The following MYCBP2 variants were observed in gnomAD, a reference collection of about 807,000 sequenced individuals.
MYCBP2 encodes E3 ubiquitin-protein ligase MYCBP2.
A neutral mutation model predicts 525.3 loss-of-function variants in MYCBP2; 120 were observed. The ratio of observed to expected loss-of-function variants is 0.23; its 90% confidence interval spans 0.20 to 0.27. The LOEUF is 0.27. Ranked by LOEUF, MYCBP2 falls within the 10% of genes least tolerant of loss-of-function variation. MYCBP2 has a pLI of 1.00. For missense variants in MYCBP2, 4,149 were observed against 5,657.1 expected (o/e 0.73, Z 8.55); for synonymous variants, 1,894 against 1,955.8 (o/e 0.97, Z 0.83).
In MYCBP2 at chr13:77,098,938, C is replaced by A. The variant is rs761092093; in HGVS notation, c.8216G>T (p.Ser2739Ile). 1.9e-6 allele frequency: 3 copies of A among 1,613,364 alleles called. No individual in the cohort carries two copies. Among genetic ancestry groups the A allele is most frequent in the Non-Finnish European group, 2.5e-6 (3 of 1,179,734 alleles). ...ACGTCCATCAGGTTTAAGCGATCTG[C>A]TGTGTTTAGAGGACAGCTCTGATTT... ...SGKSELSSKH[S>I]RSLKPDGRMS... is the part of the protein sequence containing the mutation. The change falls in exon 56 of 83, where the codon AGC becomes ATC. Residue 2739 changes from serine to isoleucine, a missense_variant. Around this residue, in one of 21 missense-constraint regions of MYCBP2, gnomAD observed 653 missense variants for 744.7 expected, o/e 0.88. Transcript: ENST00000544440.
In MYCBP2 at chr13:77,220,085, TAAGTATAGGC is replaced by T. The variant is rs1348007508; in HGVS notation, c.2940-2138_2940-2129del. Among the ~76,000 whole-genome samples, 19 of 152,246 alleles carry T rather than the reference TAAGTATAGGC, an allele frequency of 1.2e-4. 1 individual carries two copies. In the East Asian group the frequency reaches 3.7e-3, roughly 29 times the overall value. ...GGTGATTTCTTACCTTCCAGAAGCCTAAGTATAGGCATAGGAAATATTAAGATTGATTCAT... is the reference window on the plus strand; with the variant it reads ...GGTGATTTCTTACCTTCCAGAAGCCTATAGGAAATATTAAGATTGATTCAT... On this transcript the variant is annotated intron_variant, in intron 20 of 82. Coordinates refer to ENST00000544440, the MANE Select transcript of MYCBP2 (RefSeq NM_015057.5).
intron 76 of MYCBP2, 135 bp downstream of exon 76, chr13:77,061,034 G>C: frequency 8.1e-5 from 79 of 978,284 alleles, no homozygotes; most frequent in Non-Finnish European, 1.0e-4. Context: ...TATATATTTA[G>C]TAAATATATA....
At chr13:77,079,837 T>C (rs1013393703) in intron 65 of MYCBP2, among the ~76,000 whole-genome samples, 1 of 152,222 alleles carries the variant, frequency 6.6e-6, no homozygotes, top group Non-Finnish European at 1.5e-5. Context: ...CTGTAGCATT[T>C]TGGATTTTCA....
chr13:77,218,086 A>C (rs1217639437), intron 20 of MYCBP2, 129 bp from the exon 21 acceptor site: 1 of 551,672 alleles, frequency 1.8e-6, no homozygotes, highest in Non-Finnish European at 3.1e-6. Context: ...GTAAACATTT[A>C]AGTGCTAAAC....
Position 77,082,872 on chromosome 13 carries a change from C to T in MYCBP2, c.11036+160G>A, listed in dbSNP as rs888228920. 8.8e-6 allele frequency: 5 copies of T among 571,026 alleles called. 1 individual carries two copies. The Admixed American group carries it at 1.5e-4, about 17-fold the overall frequency. The allele number at this position is 571,026 out of a possible 1,614,324, so 35.4% of individuals were successfully genotyped here. ...AACAAATGTTAACTAAGAGGAAGGACCATTCTAAAAATTATGACTGTAAGG... is the reference window on the plus strand; with the variant it reads ...AACAAATGTTAACTAAGAGGAAGGATCATTCTAAAAATTATGACTGTAAGG... On this transcript the variant is annotated intron_variant, in intron 63 of 82. Transcript: ENST00000544440.
At position 77,298,968 on chromosome 13, in the gene MYCBP2, G is replaced by A. The variant is rs954620825; in HGVS notation, c.303-2294C>T. 3.9e-5 allele frequency among the ~76,000 whole-genome samples: 6 copies of A among 151,928 alleles called. No homozygotes were observed. In the East Asian group the frequency reaches 9.6e-4, roughly 24 times the overall value. Reference sequence around the variant, plus strand: ...CAGGGATGGTCAATAAATATCAGATGAACAAATAAATAAATAAAACACAAT... The same window carrying A: ...CAGGGATGGTCAATAAATATCAGATAAACAAATAAATAAATAAAACACAAT... On this transcript the variant is annotated intron_variant, in intron 1 of 82. Coordinates refer to ENST00000544440, the MANE Select transcript of MYCBP2 (RefSeq NM_015057.5).
At chr13:77,115,821 C>CT (rs544934593) in intron 55 of MYCBP2, among the ~76,000 whole-genome samples, 15 of 151,642 alleles carry the variant, frequency 9.9e-5, no homozygotes, top group African/African-American at 3.6e-4. Context: ...TTCAGGAAAT[C>CT]TTTTTTTCCA....
chr13:77,097,336 A>C, intron 56 of MYCBP2, 34 bp downstream of exon 56: 1 of 1,546,410 alleles, frequency 6.5e-7, no homozygotes. Flanking sequence ...TAAAGAAAAA[A>C]GCACTTATAC....
At chr13:77,132,805 T>C (rs2053120855) in intron 52 of MYCBP2, among the ~76,000 whole-genome samples, 1 of 152,172 alleles carries the variant, frequency 6.6e-6, no homozygotes, top group African/African-American at 2.4e-5. Flanking sequence ...GAGTCTAATG[T>C]CTTCCTTGGT....
rs1287136338 is a variant in MYCBP2, at chr13:77,164,349, T to G, written c.6547+105A>C. On this transcript the variant is annotated intron_variant, in intron 43 of 82. Coordinates refer to ENST00000544440, the MANE Select transcript of MYCBP2 (RefSeq NM_015057.5). ...GAAGCAGTTATTGCTCATGAATATA[T>G]GAGATTACAAAATTCATTTTGCAAA... 4.5e-5 allele frequency: 32 copies of G among 706,934 alleles called. No individual in the cohort carries two copies. In the Admixed American group the frequency reaches 7.1e-4, roughly 16 times the overall value. The allele number at this position is 706,934 out of a possible 1,614,324, so 43.8% of individuals were successfully genotyped here.
Position 77,098,832 on chromosome 13 carries a change from A to G in MYCBP2, c.8322T>C (p.Ser2774=). The part of the protein sequence containing the change: ...LSASESLILK[S]DAAKLRSDSH... ...AATCTGACCTCAACTTTGCAGCATC[A>G]GATTTTAAGATGAGGGATTCACTAG... The change falls in exon 56 of 83, where the codon TCT becomes TCC. Residue 2774 remains serine (S), a synonymous_variant. Transcript: ENST00000544440. The G allele has an allele frequency of 6.2e-7, 1 of 1,613,664 alleles. No homozygotes were observed. Among genetic ancestry groups the G allele is most frequent in the African/African-American group, 1.3e-5 (1 of 74,968 alleles).
intron 55 of MYCBP2, among the ~76,000 whole-genome samples, chr13:77,117,659 C>G (rs1242561041): frequency 6.6e-6 from 1 of 151,984 alleles, no homozygotes; most frequent in East Asian, 1.9e-4. Context: ...TATTGTATAG[C>G]CAACATGAGA....
intron 26 of MYCBP2, among the ~76,000 whole-genome samples, chr13:77,200,410 G>A (rs1203066816): frequency 5.3e-5 from 8 of 151,802 alleles, no homozygotes; most frequent in Non-Finnish European, 1.0e-4. Flanking sequence ...CCAAATCTAC[G>A]TCTGATTGGT....
At chr13:77,304,408 T>A (rs549523422) in intron 1 of MYCBP2, among the ~76,000 whole-genome samples, 1 of 152,194 alleles carries the variant, frequency 6.6e-6, no homozygotes, top group Non-Finnish European at 1.5e-5. Context: ...TTTTTACTCA[T>A]ATGTGGAAGC....
intron 21 of MYCBP2, among the ~76,000 whole-genome samples, chr13:77,215,286 G>A (rs1045947280): frequency 6.6e-6 from 1 of 152,138 alleles, no homozygotes; most frequent in African/African-American, 2.4e-5. Flanking sequence ...AGGAGTGAGA[G>A]AGAGAATCCA....
At chr13:77,156,267 A>G (rs770277337) in intron 45 of MYCBP2, 65 bp from the exon 46 acceptor site, 81 of 1,454,462 alleles carry the variant, frequency 5.6e-5, no homozygotes, top group Non-Finnish European at 6.8e-5. Flanking sequence ...AACAATTAAT[A>G]TAAAATTAAG....
chr13:77,131,692 C>T (rs941795904), intron 52 of MYCBP2, among the ~76,000 whole-genome samples: 1 of 152,072 alleles, frequency 6.6e-6, no homozygotes, highest in African/African-American at 2.4e-5. Flanking sequence ...ATAAGCACAG[C>T]TTGTGTGTGC....
rs60253657 is a variant in MYCBP2, at chr13:77,050,788, G to A, written c.13921+209C>T. Among the ~76,000 whole-genome samples the A allele has an allele frequency of 7.0e-3, 1,058 of 152,074 alleles. 6 individuals are homozygous for A. The highest frequency in any genetic ancestry group is 0.024 in the African/African-American group (989 of 41,472). ...TCTCACTCCCCATGAGATCTGCTCC[G>A]TCACAGCTAACTTCTCACTCATGAT... On this transcript the variant is annotated intron_variant, in intron 82 of 82. Coordinates refer to ENST00000544440, the MANE Select transcript of MYCBP2 (RefSeq NM_015057.5).
chr13:77,211,074 T>C (rs1001325031), intron 23 of MYCBP2, 93 bp downstream of exon 23: 5 of 962,242 alleles, frequency 5.2e-6, no homozygotes, highest in African/African-American at 1.7e-5. Context: ...AGTACTCACA[T>C]GTGAAAAGTC....
Sources: allele counts gnomAD v4.1 joint callset (sites outside exome capture counted in the v4.1 genomes callset), GRCh38; gene constraint gnomAD v4.1.1; regional missense constraint gnomAD v4.1.1; transcripts MANE v1.5; gene names NCBI Gene and HGNC (gene_info 2026-07-23, HGNC 2026-07-21).